Variants in PLEKHG5 observed in about 807,000 individuals in gnomAD.
PLEKHG5 encodes the protein pleckstrin homology and RhoGEF domain containing G5.
Under a neutral mutation model 103.8 loss-of-function variants are expected in PLEKHG5, and 52 were observed. That is an observed-to-expected ratio of 0.50 (90% CI 0.40 to 0.63). The LOEUF (loss-of-function observed/expected upper bound fraction) is 0.63. Ranked by LOEUF, PLEKHG5 falls within the 30% of genes least tolerant of loss-of-function variation. The pLI is 0.00. For synonymous variants in PLEKHG5, 592 were observed against 575.5 expected, an observed-to-expected ratio of 1.03 and a Z score of -0.41; for missense variants, 1,205 against 1,347.6, an observed-to-expected ratio of 0.89 and a Z score of 1.66.
rs916131750 is a variant in PLEKHG5 at position 6,505,741 on chromosome 1, G to A, written c.-164-9172C>T. Among the ~76,000 whole-genome samples the A allele has an allele frequency of 2.6e-5, 4 of 152,246 alleles. No homozygotes were observed. Among genetic ancestry groups the A allele is most frequent in the Non-Finnish European group, 5.9e-5 (4 of 68,042 alleles). On this transcript the variant is annotated intron_variant, in intron 1 of 21. Coordinates refer to the PLEKHG5 transcript ENST00000377740. The surrounding 1 kb of genome is among the most constrained non-coding windows in gnomAD (Gnocchi z 4.2). ...GGGCGGGGTGAGAGCAGAGGCAGAG[G>A]CCAGGCCTGAAGCCCAGTGCAGGGC...
chr1:6,478,974 A>C (rs140445875), intron 1 of PLEKHG5, among the ~76,000 whole-genome samples: 1 of 152,160 alleles, frequency 6.6e-6, no homozygotes, highest in East Asian at 1.9e-4. Context: ...CCTACCAAAA[A>C]TTATAAGAAT....
intron 1 of PLEKHG5, among the ~76,000 whole-genome samples, chr1:6,518,195 G>A (rs907378041): frequency 7.2e-5 from 11 of 151,846 alleles, no homozygotes; most frequent in Non-Finnish European, 1.3e-4. Flanking sequence ...GCCTCCCAAA[G>A]TGCTGGGATT....
In PLEKHG5 at chr1:6,473,053, T is replaced by C. The variant is rs145340974; in HGVS notation, c.917A>G (p.Asp306Gly). Residue 306 changes from aspartate to glycine, a missense_variant, in exon 9 of 21, where the codon GAC (aspartate) becomes GGC (glycine). By Grantham distance (94) the Asp-to-Gly change is moderately conservative. Coordinates refer to ENST00000377728, the MANE Select transcript of PLEKHG5 (RefSeq NM_020631.6). ...CAGGCAGGCATTGTCCTCATCCTCG[T>C]CTTCATCGTACTCCTCCTCCCAGGA... Reference protein sequence around the residue: ...HDSWEEEYDEDEDEDNACLRL... With the variant: ...HDSWEEEYDEGEDEDNACLRL... 5 of 1,613,812 alleles carry C rather than the reference T, an allele frequency of 3.1e-6. No homozygotes were observed. The highest frequency in any genetic ancestry group is 4.2e-6 in the Non-Finnish European group (5 of 1,179,906).
At chr1:6,510,013 C>T (rs1345068705) in intron 1 of PLEKHG5, among the ~76,000 whole-genome samples, 2 of 152,216 alleles carry the variant, frequency 1.3e-5, no homozygotes. Flanking sequence ...CCCTTCCTCT[C>T]CCGGTGTCTG....
chr1:6,512,778 C>T (rs924863511), intron 1 of PLEKHG5, among the ~76,000 whole-genome samples: 13 of 152,204 alleles, frequency 8.5e-5, no homozygotes, highest in Non-Finnish European at 1.5e-5. Context: ...CAGAACCAGC[C>T]GGGCTCCCCG....
At chr1:6,474,628 G>T (rs764157524) in intron 5 of PLEKHG5, 41 bp from the exon 6 acceptor site, 1 of 1,609,244 alleles carries the variant, frequency 6.2e-7, no homozygotes, top group Non-Finnish European at 8.5e-7. Context: ...GAACCAGGCG[G>T]CCAGTCGCTT....
At chr1:6,498,160 G>T (rs1259043658), upstream of PLEKHG5, among the ~76,000 whole-genome samples, 3 of 152,186 alleles carry the variant, frequency 2.0e-5, no homozygotes, top group Non-Finnish European at 4.4e-5. Flanking sequence ...GGGGCTCAGT[G>T]CTCCTGAGCC....
intron 1 of PLEKHG5, among the ~76,000 whole-genome samples, chr1:6,517,613 G>C (rs778192008): frequency 7.2e-5 from 11 of 152,298 alleles, no homozygotes; most frequent in Non-Finnish European, 4.4e-5. Context: ...GTGAGCAAAG[G>C]AAGAAAAAGT....
At chr1:6,482,150 C>A (rs1482817586) in intron 1 of PLEKHG5, among the ~76,000 whole-genome samples, 1 of 152,074 alleles carries the variant, frequency 6.6e-6, no homozygotes, top group Non-Finnish European at 1.5e-5. Context: ...CTGCTAGCTT[C>A]CCCCCAAGTC....
Position 6,477,535 on chromosome 1 carries a change from G to C in PLEKHG5, c.37C>G (p.Pro13Ala), listed in dbSNP as rs765244937. Residue 13 changes from proline (P) to alanine (A), a missense_variant, in exon 2 of 21, where the codon CCA (proline) becomes GCA (alanine). Physicochemically the swap from Pro to Ala is conservative, Grantham distance 27. Coordinates refer to ENST00000377728, the MANE Select transcript of PLEKHG5 (RefSeq NM_020631.6). ...GGCTCCCGCCTGTGCTCACCTTGTG[G>C]GGGAAGGTCGAAGCGGACATGCCCA... ...YDGHVRFDLPPQGSVLARNVS... is the reference protein window; with the variant it reads ...YDGHVRFDLPAQGSVLARNVS... 2 of 1,611,878 alleles carry C rather than the reference G, an allele frequency of 1.2e-6. No homozygotes were observed. The highest frequency in any genetic ancestry group is 2.2e-5 in the South Asian group (2 of 91,076).
In PLEKHG5 at chr1:6,477,560, A is replaced by G. The variant is rs772435791; in HGVS notation, c.12T>C (p.Asp4=). MHY[D]GHVRFDLPPQ... Reference sequence around the variant, plus strand: ...GGGGAAGGTCGAAGCGGACATGCCCATCATAATGCATGGTGCTGTGGAACT... The same window carrying G: ...GGGGAAGGTCGAAGCGGACATGCCCGTCATAATGCATGGTGCTGTGGAACT... Residue 4 remains aspartate, a synonymous_variant, in exon 2 of 21, where the codon GAT becomes GAC. Coordinates refer to ENST00000377728, the MANE Select transcript of PLEKHG5 (RefSeq NM_020631.6). 6.8e-6 allele frequency: 11 copies of G among 1,612,580 alleles called. No homozygotes were observed. Among genetic ancestry groups the G allele is most frequent in the Admixed American group, 1.7e-5 (1 of 60,022 alleles).
chr1:6,474,961 TCA>T, intron 5 of PLEKHG5, 84 bp downstream of exon 5: 1 of 870,918 alleles, frequency 1.1e-6, no homozygotes. Context: ...GACACACACG[TCA>T]CACCTGCAGA....
At chr1:6,480,837 C>T (rs1047843602) in intron 1 of PLEKHG5, among the ~76,000 whole-genome samples, 3 of 151,900 alleles carry the variant, frequency 2.0e-5, no homozygotes, top group East Asian at 3.9e-4. Flanking sequence ...GATAGGATTT[C>T]GCCATGTTGC....
exon 1 of PLEKHG5, chr1:6,519,818 T>G: frequency 2.0e-6 from 1 of 489,406 alleles, no homozygotes; most frequent in Non-Finnish European, 3.7e-6. Flanking sequence ...TGGTGGTTGG[T>G]TCCTTCTTGG....
At chr1:6,481,562 A>AATAT (rs1413713197) in intron 1 of PLEKHG5, among the ~76,000 whole-genome samples, 14 of 146,660 alleles carry the variant, frequency 9.5e-5, no homozygotes, top group African/African-American at 3.6e-4. Flanking sequence ...TAAATAAATA[A>AATAT]ATATATAAGT....
At chr1:6,470,162 T>G in intron 16 of PLEKHG5, 74 bp downstream of exon 16, 30 of 1,542,320 alleles carry the variant, frequency 1.9e-5, no homozygotes, top group Non-Finnish European at 2.5e-5. Context: ...ACTGCAGAGC[T>G]GAGAACCAGT....
chr1:6,501,694 G>A (rs1317350715), upstream of PLEKHG5, among the ~76,000 whole-genome samples: 1 of 152,196 alleles, frequency 6.6e-6, no homozygotes, highest in Non-Finnish European at 1.5e-5. This position sits in a 1 kb window ranked among gnomAD's most constrained non-coding sequence, Gnocchi z 4.3. Context: ...AGAGTAACGA[G>A]GCTGTGAGTG....
At position 6,486,562 on chromosome 1, in the gene PLEKHG5, G is replaced by A. The variant is rs1202391815; in HGVS notation, c.-88+5075C>T. 1.3e-5 allele frequency among the ~76,000 whole-genome samples: 2 copies of A among 152,220 alleles called. No individual in the cohort carries two copies. The highest frequency in any genetic ancestry group is 4.8e-5 in the African/African-American group (2 of 41,456). ...TTGGCAGCCCCCAGGAGCTGGGTGAGGTGGAGGCATCAGGAAACCCTGGCG... is the reference window on the plus strand; with the variant it reads ...TTGGCAGCCCCCAGGAGCTGGGTGAAGTGGAGGCATCAGGAAACCCTGGCG... On this transcript the variant is annotated intron_variant, in intron 1 of 20. Coordinates refer to ENST00000377728, the MANE Select transcript of PLEKHG5 (RefSeq NM_020631.6). The surrounding 1 kb of genome is among the most constrained non-coding windows in gnomAD (Gnocchi z 5.3).
chr1:6,472,547 T>G lies in PLEKHG5; in HGVS notation c.1060A>C (p.Lys354Gln). 2 of 1,613,308 alleles carry G rather than the reference T, an allele frequency of 1.2e-6. No homozygotes were observed. The highest frequency in any genetic ancestry group is 1.7e-6 in the Non-Finnish European group (2 of 1,179,528). ...LLHTEASYIR[K>Q]LRVIINLFLC... is the part of the protein sequence containing the mutation. ...CTCACGTTGATGATCACCCGCAGTT[T>G]CCTGATGTAGGAGGCCTCCGTGTGC... The change falls in exon 10 of 21, where the codon AAA (lysine) becomes CAA (glutamine). Residue 354 changes from lysine to glutamine, a missense_variant. Physicochemically the swap from Lys to Gln is moderately conservative, Grantham distance 53. Transcript: ENST00000377728.
Sources: allele counts gnomAD v4.1 joint callset (sites outside exome capture counted in the v4.1 genomes callset), GRCh38; gene constraint gnomAD v4.1.1; non-coding constraint Gnocchi (gnomAD v3.1); transcripts MANE v1.5; gene names NCBI Gene and HGNC (gene_info 2026-07-23, HGNC 2026-07-21).